The following RNF135 variants were observed in gnomAD, a reference collection of about 807,000 sequenced individuals.
RNF135 encodes the protein ring finger protein 135.
In RNF135, 46 loss-of-function variants were observed where a neutral mutation model predicts 41.9. The observed-to-expected ratio is 1.10, with a 90% CI of 0.87 to 1.40. The LOEUF (loss-of-function observed/expected upper bound fraction) is 1.40, where lower values mean the gene tolerates loss of function less well. RNF135 is among the 40% of genes most tolerant of loss of function. The pLI is 0.00. For missense variants in RNF135, 539 were observed against 549.8 expected (o/e 0.98, Z 0.20); for synonymous variants, 238 against 223.8 (o/e 1.06, Z -0.57).
chr17:30,961,525 T>C, the RNF135 span, among the ~76,000 whole-genome samples: 1 of 151,962 alleles, frequency 6.6e-6, no homozygotes, highest in Non-Finnish European at 1.5e-5. Context: ...TGCAGTGGTG[T>C]CATCCCGGCT....
intron 4 of RNF135, chr17:30,997,556 G>A (rs1456485351): frequency 1.6e-6 from 1 of 614,866 alleles, no homozygotes; most frequent in Non-Finnish European, 3.1e-6. Flanking sequence ...TCTCTGCTGT[G>A]GCCACCAACT....
upstream of RNF135, among the ~76,000 whole-genome samples, chr17:30,966,239 G>T (rs1460226225): frequency 6.6e-6 from 1 of 152,090 alleles, no homozygotes; most frequent in Non-Finnish European, 1.5e-5. Flanking sequence ...AATGAGCGAA[G>T]ACAGCCAGCC....
At chr17:30,985,494 T>C (rs1284327690) in intron 2 of RNF135, among the ~76,000 whole-genome samples, 1 of 152,202 alleles carries the variant, frequency 6.6e-6, no homozygotes, top group African/African-American at 2.4e-5. Context: ...TGTTACCTTC[T>C]TCTCCCTTAC....
In RNF135 at chr17:30,988,012, G is replaced by GA; in HGVS notation, c.589dup (p.Ile197AsnfsTer7). The GA allele has an allele frequency of 6.2e-7, 1 of 1,614,020 alleles. No individual in the cohort carries two copies. Among genetic ancestry groups the GA allele is most frequent in the Non-Finnish European group, 8.5e-7 (1 of 1,179,974 alleles). ...TGGTGACTTCCGACACAGCTGCAGGGAAAATCAGAGATATTCTCCATGACC... is the reference window on the plus strand; with the variant it reads ...TGGTGACTTCCGACACAGCTGCAGGGAAAAATCAGAGATATTCTCCATGACC... On this transcript the variant is annotated frameshift_variant, in exon 3 of 5. Transcript: ENST00000328381. LOFTEE classifies it high-confidence loss of function.
intron 1 of RNF135, among the ~76,000 whole-genome samples, chr17:30,979,889 C>T (rs1389980836): frequency 2.4e-5 from 3 of 124,864 alleles, no homozygotes; most frequent in Admixed American, 7.6e-5. Context: ...CCGGGCGGGG[C>T]GGCTGGCCGG....
chr17:30,960,865 G>T, the RNF135 span, among the ~76,000 whole-genome samples: 2 of 150,574 alleles, frequency 1.3e-5, no homozygotes, highest in Admixed American at 1.3e-4. Context: ...TCAGCCTCCC[G>T]AGTAGCTGGG....
At chr17:30,972,016 T>C (rs1321232813) in intron 1 of RNF135, 1 of 152,892 alleles carries the variant, frequency 6.5e-6, no homozygotes, top group African/African-American at 2.4e-5. Flanking sequence ...AGTCTCAAAC[T>C]CTTGACCACA....
chr17:30,998,846 C>T lies in RNF135; in HGVS notation c.954C>T (p.Asp318=). Residue 318 remains aspartate (D), a synonymous_variant, in exon 5 of 5, where the codon GAC becomes GAT. Transcript: ENST00000328381. ...LSSGKHYWEV[D]TRNCSHWAVG... is the part of the protein sequence containing the mutation. ...CTGGAAAGCATTACTGGGAAGTGGA[C>T]ACTAGGAATTGCAGCCACTGGGCAG... 1.2e-6 allele frequency: 2 copies of T among 1,613,116 alleles called. No individual in the cohort carries two copies. The highest frequency in any genetic ancestry group is 1.1e-5 in the South Asian group (1 of 90,956).
At chr17:30,978,774 C>A (rs2142680316) in intron 1 of RNF135, 2 of 122,508 alleles carry the variant, frequency 1.6e-5, no homozygotes, top group Admixed American at 8.6e-5. Flanking sequence ...GTGTTTGTGT[C>A]CCTGGGTACT....
At chr17:30,989,739 C>G (rs1189217881) in intron 3 of RNF135, among the ~76,000 whole-genome samples, 2 of 152,158 alleles carry the variant, frequency 1.3e-5, no homozygotes, top group African/African-American at 4.8e-5. Flanking sequence ...GTGGCTTATG[C>G]CTGTAATCCC....
At chr17:30,961,609 C>T in the RNF135 span, among the ~76,000 whole-genome samples, 2 of 152,098 alleles carry the variant, frequency 1.3e-5, no homozygotes, top group African/African-American at 4.8e-5. Flanking sequence ...ACCACAGGCA[C>T]ATGCCACCAT....
chr17:30,970,890 C>G (rs541763234), upstream of RNF135: 115 of 807,296 alleles, frequency 1.4e-4, 4 homozygotes, highest in African/African-American at 1.7e-3. Flanking sequence ...TCCAGCTGGG[C>G]ACTGGAGGCT....
intron 3 of RNF135, among the ~76,000 whole-genome samples, chr17:30,992,610 T>C (rs1350699788): frequency 6.6e-6 from 1 of 151,186 alleles, no homozygotes; most frequent in Non-Finnish European, 1.5e-5. Flanking sequence ...GGACTGCAGG[T>C]GCGTGTCACC....
chr17:30,963,094 T>A, the RNF135 span, among the ~76,000 whole-genome samples: 62 of 98,918 alleles, frequency 6.3e-4, no homozygotes, highest in South Asian at 1.1e-3. Context: ...ATTCCCTAGC[T>A]TTTTTTTTTT....
In RNF135 at chr17:30,999,464, G is replaced by C. The variant is rs1000623668; in HGVS notation, c.*273G>C. 8.7e-6 allele frequency: 4 copies of C among 461,032 alleles called. No individual in the cohort carries two copies. The highest frequency in any genetic ancestry group is 7.9e-5 in the African/African-American group (4 of 50,786). 28.6% of individuals were successfully genotyped at this position (461,032 alleles called of 1,614,324 possible). A position where few individuals can be genotyped will look rare whatever the true frequency, so the allele number is the denominator to read the frequency against. On this transcript the variant is annotated 3_prime_UTR_variant, in exon 5 of 5. Coordinates refer to ENST00000328381, the MANE Select transcript of RNF135 (RefSeq NM_032322.4). Reference sequence around the variant, plus strand: ...CTTTTGTGTGATACAGGATGAACTTGGGATGTTTGAACCCTGGACATTCCA... The same window carrying C: ...CTTTTGTGTGATACAGGATGAACTTCGGATGTTTGAACCCTGGACATTCCA...
chr17:30,976,194 C>T (rs968542911), intron 1 of RNF135, among the ~76,000 whole-genome samples: 5 of 151,970 alleles, frequency 3.3e-5, no homozygotes, highest in Admixed American at 6.6e-5. Flanking sequence ...TTAGTAGAGA[C>T]GGGGTTTCAC....
Position 30,997,416 on chromosome 17 carries a change from T to G in RNF135, c.769+85T>G, listed in dbSNP as rs1454166161. 4 of 1,143,918 alleles carry G rather than the reference T, an allele frequency of 3.5e-6. No homozygotes were observed. The African/African-American group carries it at 4.6e-5, about 13-fold the overall frequency. The allele number at this position is 1,143,918 out of a possible 1,614,324, so 70.9% of individuals were successfully genotyped here. On this transcript the variant is annotated intron_variant, in intron 4 of 4. Coordinates refer to ENST00000328381, the MANE Select transcript of RNF135 (RefSeq NM_032322.4). ...TATCCTACATCCATCTCCCTACTGC[T>G]AGGGCCACTCCTTGGCTTACTGCAC... is the stretch of plus-strand genomic sequence containing the variant.
At chr17:30,977,265 ATT>A (rs1266368293) in intron 1 of RNF135, among the ~76,000 whole-genome samples, 2 of 152,066 alleles carry the variant, frequency 1.3e-5, no homozygotes, top group African/African-American at 2.4e-5. Flanking sequence ...CTGCTATTTA[ATT>A]TTTTGTTATT....
In RNF135 at chr17:30,999,371, C is replaced by T; in HGVS notation, c.*180C>T. The T allele has an allele frequency of 1.5e-6, 1 of 668,016 alleles. No homozygotes were observed. The highest frequency in any genetic ancestry group is 2.6e-6 in the Non-Finnish European group (1 of 383,274). The allele number at this position is 668,016 out of a possible 1,614,324, so 41.4% of individuals were successfully genotyped here. ...TCAAGCAGTCCTCCCACCTCAGCCT[C>T]CCAAGGTGCTGGGATTACAGGTGTG... is the stretch of plus-strand genomic sequence containing the variant. On this transcript the variant is annotated 3_prime_UTR_variant, in exon 5 of 5. Coordinates refer to ENST00000328381, the MANE Select transcript of RNF135 (RefSeq NM_032322.4).
Sources: gnomAD v4.1 joint callset for allele counts (sites outside exome capture counted in the v4.1 genomes callset) on GRCh38, gnomAD v4.1.1 for gene constraint, MANE v1.5 for transcripts, NCBI Gene and HGNC (gene_info 2026-07-23, HGNC 2026-07-21) for gene names.